Variants in ZNF804B observed in about 807,000 individuals in gnomAD.
ZNF804B encodes zinc finger protein 804B.
A neutral mutation model predicts 101.4 loss-of-function variants in ZNF804B; 80 were observed. The observed-to-expected ratio is 0.79, with a 90% CI of 0.66 to 0.95. ZNF804B has a LOEUF of 0.95. Among genes scored for constraint, ZNF804B ranks in the 40% least tolerant of loss-of-function variants. ZNF804B has a pLI of 0.00. For synonymous variants in ZNF804B, 622 were observed against 558.8 expected (o/e 1.11, Z -1.59); for missense variants, 1,673 against 1,561.9 (o/e 1.07, Z -1.20).
At chr7:89,023,892 G>A (rs568989374) in intron 1 of ZNF804B, among the ~76,000 whole-genome samples, 4 of 152,244 alleles carry the variant, frequency 2.6e-5, no homozygotes, top group South Asian at 2.1e-4. Context: ...CCACAGAATA[G>A]GAAGTTTTAA....
At chr7:88,804,602 TTA>T (rs1306238396) in intron 1 of ZNF804B, among the ~76,000 whole-genome samples, 3 of 147,594 alleles carry the variant, frequency 2.0e-5, no homozygotes, top group African/African-American at 7.7e-5. Flanking sequence ...AAATTTGAAT[TTA>T]TTTTTTTATG....
intron 1 of ZNF804B, among the ~76,000 whole-genome samples, chr7:88,760,469 G>C (rs550658724): frequency 6.6e-6 from 1 of 152,296 alleles, no homozygotes; most frequent in African/African-American, 2.4e-5. Context: ...AAAGTCATCA[G>C]TTGAGATTAG....
intron 1 of ZNF804B, among the ~76,000 whole-genome samples, chr7:89,046,151 A>G (rs759448474): frequency 2.0e-5 from 3 of 151,078 alleles, no homozygotes; most frequent in Non-Finnish European, 4.4e-5. Context: ...CCTTCCTGCC[A>G]TCATGTGAAG....
intron 1 of ZNF804B, among the ~76,000 whole-genome samples, chr7:88,804,413 C>G (rs1790654195): frequency 1.3e-5 from 2 of 152,022 alleles, no homozygotes; most frequent in Non-Finnish European, 2.9e-5. Flanking sequence ...TCGAAAATAC[C>G]TTAAGATTGT....
chr7:89,124,829 C>G (rs1432436066), intron 1 of ZNF804B, among the ~76,000 whole-genome samples: 2 of 151,664 alleles, frequency 1.3e-5, no homozygotes, highest in Non-Finnish European at 2.9e-5. Flanking sequence ...TTCTTGATAA[C>G]TTTAAAGACC....
intron 1 of ZNF804B, among the ~76,000 whole-genome samples, chr7:88,935,050 TACACACAC>T (rs1358126001): frequency 6.6e-6 from 1 of 150,942 alleles, no homozygotes; most frequent in Non-Finnish European, 1.5e-5. Context: ...TATATATATA[TACACACAC>T]ACATACACAC....
intron 1 of ZNF804B, among the ~76,000 whole-genome samples, chr7:89,017,322 C>T (rs1788584338): frequency 6.6e-6 from 1 of 152,168 alleles, no homozygotes; most frequent in Non-Finnish European, 1.5e-5. Flanking sequence ...ATTGAATACA[C>T]TTTATTTCCT....
At chr7:88,940,696 G>A (rs1266619838) in intron 1 of ZNF804B, among the ~76,000 whole-genome samples, 2 of 151,076 alleles carry the variant, frequency 1.3e-5, no homozygotes, top group Admixed American at 6.6e-5. Context: ...TTGAGCTAGG[G>A]AGGTAGAGCT....
At chr7:89,079,502 C>G (rs1303819403) in intron 1 of ZNF804B, among the ~76,000 whole-genome samples, 1 of 152,046 alleles carries the variant, frequency 6.6e-6, no homozygotes, top group Non-Finnish European at 1.5e-5. Context: ...GACTTATTTA[C>G]TCAACACCTG....
At chr7:88,997,189 A>G (rs1253337331) in intron 1 of ZNF804B, among the ~76,000 whole-genome samples, 1 of 152,090 alleles carries the variant, frequency 6.6e-6, no homozygotes, top group Admixed American at 6.6e-5. Context: ...AGACACCTTG[A>G]GAATTATCTA....
rs1791039250 is a variant in ZNF804B at position 89,334,414 on chromosome 7, C to T, written c.1432C>T (p.Leu478=). The part of the protein sequence containing the change: ...EPCISYGCNP[L]YFDFKLSRNT... ...CTGTATCTCTTATGGCTGCAACCCA[C>T]TGTATTTTGATTTTAAGCTTTCTCG... The change falls in exon 4 of 4, where the codon CTG becomes TTG. Residue 478 remains leucine (L), a synonymous_variant. Transcript: ENST00000333190. 2.5e-6 allele frequency: 4 copies of T among 1,613,594 alleles called. No homozygotes were observed. The South Asian group carries it at 4.4e-5, about 18-fold the overall frequency.
At chr7:88,770,701 G>A (rs1406431327) in intron 1 of ZNF804B, among the ~76,000 whole-genome samples, 2 of 152,120 alleles carry the variant, frequency 1.3e-5, no homozygotes, top group Non-Finnish European at 2.9e-5. Context: ...CTGCGCAAAT[G>A]TCCCTTCCTC....
At chr7:88,984,723 C>A (rs1387399049) in intron 1 of ZNF804B, among the ~76,000 whole-genome samples, 5 of 152,068 alleles carry the variant, frequency 3.3e-5, no homozygotes, top group Admixed American at 3.3e-4. Context: ...ATGACACTTT[C>A]TATAACAAGG....
chr7:89,114,884 G>T (rs999943565), intron 1 of ZNF804B, among the ~76,000 whole-genome samples: 3 of 152,122 alleles, frequency 2.0e-5, no homozygotes, highest in African/African-American at 7.2e-5. Flanking sequence ...AATGTTCTGT[G>T]TTGTAGCTAC....
chr7:88,959,728 G>A (rs1177016977), intron 1 of ZNF804B, among the ~76,000 whole-genome samples: 2 of 151,346 alleles, frequency 1.3e-5, no homozygotes, highest in African/African-American at 4.8e-5. Context: ...CATGATAGCT[G>A]TGTATAGTCA....
At chr7:89,084,845 G>A (rs536055237) in intron 1 of ZNF804B, among the ~76,000 whole-genome samples, 8 of 151,320 alleles carry the variant, frequency 5.3e-5, no homozygotes, top group Middle Eastern at 6.8e-3. Flanking sequence ...TGTTCTATTC[G>A]GACTGGATTT....
chr7:89,067,772 T>C (rs1293243806), intron 1 of ZNF804B, among the ~76,000 whole-genome samples: 1 of 152,084 alleles, frequency 6.6e-6, no homozygotes, highest in African/African-American at 2.4e-5. Context: ...CATCATATTC[T>C]ATCTGTGTGA....
At chr7:88,929,677 C>G (rs1048251280) in intron 1 of ZNF804B, among the ~76,000 whole-genome samples, 7 of 151,872 alleles carry the variant, frequency 4.6e-5, no homozygotes, top group African/African-American at 1.2e-4. Flanking sequence ...CTGATTCTGT[C>G]TGACAAGAGA....
chr7:89,167,444 T>TATAAATAA lies in ZNF804B; in HGVS notation c.109-50690_109-50683dup, dbSNP rs3059362. ...GGCCGAAAACAGCAAGACAGTGTCT[T>TATAAATAA]ATAAATAAATAAATAAATAAATAAA... On this transcript the variant is annotated intron_variant, in intron 1 of 3. Transcript: ENST00000333190. 5.1e-3 allele frequency among the ~76,000 whole-genome samples: 574 copies of TATAAATAA among 112,542 alleles called. 5 individuals are homozygous for TATAAATAA. The highest frequency in any genetic ancestry group is 0.013 in the East Asian group (56 of 4,326). The allele number at this position is 112,542 out of a possible 152,430, so 73.8% of individuals were successfully genotyped here.
Sources: allele counts gnomAD v4.1 joint callset (sites outside exome capture counted in the v4.1 genomes callset), GRCh38; gene constraint gnomAD v4.1.1; transcripts MANE v1.5; gene names NCBI Gene and HGNC (gene_info 2026-07-23, HGNC 2026-07-21).